The following PRR11 variants were observed in gnomAD, a reference collection of about 807,000 sequenced individuals.
PRR11 encodes the protein proline-rich protein 11.
In PRR11, 30 loss-of-function variants were observed where a neutral mutation model predicts 45.6. That is an observed-to-expected ratio of 0.66 (90% CI 0.49 to 0.89). The LOEUF (loss-of-function observed/expected upper bound fraction) is 0.89. Ranked by LOEUF, PRR11 falls within the 40% of genes least tolerant of loss-of-function variation. The pLI is 0.00. For missense variants in PRR11, 373 were observed against 424.8 expected (o/e 0.88, Z 1.07); for synonymous variants, 128 against 153.5 (o/e 0.83, Z 1.23).
At chr17:59,168,291 C>T (rs544445091) in intron 1 of PRR11, among the ~76,000 whole-genome samples, 1 of 151,822 alleles carries the variant, frequency 6.6e-6, no homozygotes, top group African/African-American at 2.4e-5. Flanking sequence ...ACCTCAGCCT[C>T]CCCAGTAGCT....
chr17:59,183,660 A>T (rs1242959965), intron 2 of PRR11, among the ~76,000 whole-genome samples: 2 of 152,166 alleles, frequency 1.3e-5, no homozygotes, highest in African/African-American at 4.8e-5. Context: ...TCCATGGATT[A>T]CCTAAGGCCA....
intron 7 of PRR11, 94 bp downstream of exon 7, chr17:59,195,537 G>T (rs1448724204): frequency 1.9e-5 from 15 of 789,270 alleles, no homozygotes; most frequent in Non-Finnish European, 2.8e-5. Flanking sequence ...GATTTTTTGT[G>T]TGTATTTCTA....
At chr17:59,174,220 G>A (rs1436854323) in intron 2 of PRR11, among the ~76,000 whole-genome samples, 5 of 152,158 alleles carry the variant, frequency 3.3e-5, no homozygotes, top group Non-Finnish European at 7.3e-5. Context: ...ATGTGGCTTT[G>A]GACTTCATCA....
chr17:59,164,731 T>C (rs1267348548), intron 1 of PRR11, among the ~76,000 whole-genome samples: 2 of 151,854 alleles, frequency 1.3e-5, no homozygotes, highest in Middle Eastern at 6.8e-3. Context: ...TTTTAAAAAT[T>C]AGCCGGGCAT....
At position 59,193,681 on chromosome 17, in the gene PRR11, C is replaced by G. The variant is rs149181181; in HGVS notation, c.592C>G (p.Pro198Ala). 10 of 1,613,978 alleles carry G rather than the reference C, an allele frequency of 6.2e-6. No individual in the cohort carries two copies. In the African/African-American group the frequency reaches 1.1e-4, roughly 17 times the overall value. Residue 198 changes from proline to alanine, a missense_variant, in exon 5 of 10, where the codon CCA becomes GCA. Transcript: ENST00000262293. ...ACCTCCACCTCTGCCACCTCCTCCA[C>G]CACCACTAGCACCTGTGTTGCTCAG... ...PPPPPLPPPP[P>A]PLAPVLLRKP...
chr17:59,158,072 A>G (rs1274936115), intron 1 of PRR11, among the ~76,000 whole-genome samples: 1 of 152,156 alleles, frequency 6.6e-6, no homozygotes, highest in African/African-American at 2.4e-5. Context: ...AAGCAAGGGA[A>G]TATCTAGATC....
intron 2 of PRR11, among the ~76,000 whole-genome samples, chr17:59,180,064 ATC>A (rs1435851810): frequency 7.0e-6 from 1 of 143,586 alleles, no homozygotes; most frequent in African/African-American, 2.6e-5. Context: ...CCATTCTTCC[ATC>A]TCTCTGTCCT....
At chr17:59,180,905 A>T (rs1275553516) in intron 2 of PRR11, among the ~76,000 whole-genome samples, 14 of 150,858 alleles carry the variant, frequency 9.3e-5, no homozygotes, top group Non-Finnish European at 1.5e-4. Flanking sequence ...GAGTTCAAGC[A>T]ATTCTCTTGC....
At chr17:59,173,766 G>T (rs114557162) in intron 2 of PRR11, among the ~76,000 whole-genome samples, 1 of 152,138 alleles carries the variant, frequency 6.6e-6, no homozygotes, top group East Asian at 1.9e-4. Flanking sequence ...CTGGGAGGAC[G>T]ACTTGATCAC....
intron 1 of PRR11, among the ~76,000 whole-genome samples, chr17:59,158,835 C>T (rs925906327): frequency 6.6e-6 from 1 of 152,182 alleles, no homozygotes; most frequent in African/African-American, 2.4e-5. Context: ...CTGATTCATA[C>T]TCACATTGGC....
At chr17:59,165,770 C>T (rs2046676937) in intron 1 of PRR11, among the ~76,000 whole-genome samples, 1 of 151,396 alleles carries the variant, frequency 6.6e-6, no homozygotes, top group African/African-American at 2.4e-5. Flanking sequence ...CCAGCCTGGG[C>T]AACAAGAGCA....
chr17:59,168,554 G>A (rs1224114932), intron 1 of PRR11, among the ~76,000 whole-genome samples: 3 of 151,974 alleles, frequency 2.0e-5, no homozygotes, highest in Non-Finnish European at 4.4e-5. Flanking sequence ...CACCAGTGTG[G>A]TGGCGTGTGC....
chr17:59,176,388 C>T (rs2046745763), intron 2 of PRR11, among the ~76,000 whole-genome samples: 1 of 152,114 alleles, frequency 6.6e-6, no homozygotes, highest in South Asian at 2.1e-4. Context: ...CACTAGGAAG[C>T]CCCCAGGCTT....
chr17:59,194,678 TTAA>T, intron 5 of PRR11, 76 bp from the exon 6 acceptor site: 1 of 1,145,240 alleles, frequency 8.7e-7, no homozygotes, highest in Non-Finnish European at 1.3e-6. Flanking sequence ...CTCTGAGTCT[TTAA>T]AAACTAGATT....
rs1555716481 is a variant in PRR11, at chr17:59,180,510, G to GTTTTTTTTTT, written c.129-4536_129-4535insTTTTTTTTTT. 1.9e-3 allele frequency among the ~76,000 whole-genome samples: 208 copies of GTTTTTTTTTT among 108,606 alleles called. 4 individuals are homozygous for GTTTTTTTTTT. Among genetic ancestry groups the GTTTTTTTTTT allele is most frequent in the African/African-American group, 8.6e-3 (194 of 22,572 alleles). The allele number at this position is 108,606 out of a possible 152,430, so 71.2% of individuals were successfully genotyped here. A position where few individuals can be genotyped will look rare whatever the true frequency, so the allele number is the denominator to read the frequency against. On this transcript the variant is annotated intron_variant, in intron 2 of 9. Transcript: ENST00000262293. ...GGCCCGTCCTTGTTTTTTTTTTTTT[G>GTTTTTTTTTT]TTTTTTTTGTTTTTTTTGCCACAGG...
At chr17:59,171,042 G>A (rs2046705555) in intron 2 of PRR11, among the ~76,000 whole-genome samples, 1 of 152,130 alleles carries the variant, frequency 6.6e-6, no homozygotes, top group South Asian at 2.1e-4. Context: ...GGCGGATCAT[G>A]AGGTCAGGAG....
At chr17:59,189,246 G>T (rs1368139914) in intron 4 of PRR11, among the ~76,000 whole-genome samples, 1 of 151,706 alleles carries the variant, frequency 6.6e-6, no homozygotes, top group Non-Finnish European at 1.5e-5. Context: ...GTTGCAGTGA[G>T]TTGTGATCGT....
At chr17:59,194,959 A>G in intron 6 of PRR11, 104 bp downstream of exon 6, 1 of 863,312 alleles carries the variant, frequency 1.2e-6, no homozygotes, top group Non-Finnish European at 1.8e-6. Context: ...GGATCACCTG[A>G]GCCCAGGAGT....
intron 2 of PRR11, among the ~76,000 whole-genome samples, chr17:59,180,190 G>T (rs1400149368): frequency 4.9e-5 from 7 of 142,360 alleles, no homozygotes; most frequent in Non-Finnish European, 9.0e-5. Context: ...GAGTGTAGTA[G>T]TGCAATCTCG....
Sources: allele counts gnomAD v4.1 joint callset (sites outside exome capture counted in the v4.1 genomes callset), GRCh38; gene constraint gnomAD v4.1.1; transcripts MANE v1.5; gene names NCBI Gene and HGNC (gene_info 2026-07-23, HGNC 2026-07-21).